The following STX10 variants were observed in gnomAD, a reference collection of about 807,000 sequenced individuals.
STX10 encodes the protein syntaxin 10, also known as syntaxin-10.
STX10 carries 35 observed loss-of-function variants against 34.1 expected under a neutral mutation model. The ratio of observed to expected loss-of-function variants is 1.03; its 90% CI spans 0.78 to 1.36. The LOEUF is 1.36. Among genes scored for constraint, STX10 ranks in the 40% most tolerant of loss-of-function variants. The probability of loss-of-function intolerance (pLI) is 0.00; values close to 1 mark genes in which losing one functional copy is unlikely to be tolerated. For missense variants in STX10, 361 were observed against 335.5 expected, an observed-to-expected ratio of 1.08 and a Z score of -0.59; for synonymous variants, 155 against 132.9, an observed-to-expected ratio of 1.17 and a Z score of -1.15.
chr19:13,149,648 G>A (rs780029248), intron 2 of STX10, 55 bp from the exon 3 acceptor site: 1 of 1,611,582 alleles, frequency 6.2e-7, no homozygotes, highest in Non-Finnish European at 8.5e-7. Flanking sequence ...CCGTCCCTAG[G>A]GGTCCAGCCC....
In STX10 at chr19:13,144,061, G is replaced by A. The variant is rs11775; in HGVS notation, c.*349C>T. On this transcript the variant is annotated 3_prime_UTR_variant, in exon 8 of 8. Transcript: ENST00000587230. Reference sequence around the variant, plus strand: ...AACACACACCACACGACACAAATACGTATAAAAAAGGCTGACATTTTATTT... The same window carrying A: ...AACACACACCACACGACACAAATACATATAAAAAAGGCTGACATTTTATTT... 202,323 of 323,384 alleles carry A rather than the reference G, an allele frequency of 0.63. 65,891 individuals carry two copies. Among genetic ancestry groups the A allele is most frequent in the East Asian group, 0.81 (14,310 of 17,668 alleles). The allele number at this position is 323,384 out of a possible 1,614,324, so 20.0% of individuals were successfully genotyped here. A position where few individuals can be genotyped will look rare whatever the true frequency, so the allele number is the denominator to read the frequency against.
rs191639143 is a variant in STX10, at chr19:13,150,220, C to G, written c.-47G>C. ...CCGAACCCCCCTCCCGGCCTGGGTTCGCGGGCTGGTTCCCTCCCAACCGAG... is the reference window on the plus strand; with the variant it reads ...CCGAACCCCCCTCCCGGCCTGGGTTGGCGGGCTGGTTCCCTCCCAACCGAG... On this transcript the variant is annotated 5_prime_UTR_variant, in exon 1 of 8. Coordinates refer to ENST00000587230, the MANE Select transcript of STX10 (RefSeq NM_003765.3). The surrounding 1 kb of genome is among the most constrained non-coding windows in gnomAD (Gnocchi z 4.0). The G allele has an allele frequency of 6.3e-4, 483 of 769,918 alleles. 6 individuals are homozygous for G. In the East Asian group the frequency reaches 0.012, roughly 19 times the overall value. The allele number at this position is 769,918 out of a possible 1,614,324, so 47.7% of individuals were successfully genotyped here. A position where few individuals can be genotyped will look rare whatever the true frequency, so the allele number is the denominator to read the frequency against.
chr19:13,148,739 A>G (rs2019969375), intron 4 of STX10, among the ~76,000 whole-genome samples: 3 of 152,072 alleles, frequency 2.0e-5, no homozygotes. Flanking sequence ...CACACAGGAC[A>G]AATGGCATGG....
chr19:13,146,756 G>T (rs944709998), intron 4 of STX10, among the ~76,000 whole-genome samples: 2 of 152,052 alleles, frequency 1.3e-5, no homozygotes, highest in Non-Finnish European at 2.9e-5. Flanking sequence ...GGCCAGGCTG[G>T]TCTCGAACGC....
At position 13,150,080 on chromosome 19, in the gene STX10, G is replaced by C; in HGVS notation, c.35+59C>G. The C allele has an allele frequency of 9.0e-7, 1 of 1,112,336 alleles. No individual in the cohort carries two copies. The highest frequency in any genetic ancestry group is 1.3e-6 in the Non-Finnish European group (1 of 744,198). The allele number at this position is 1,112,336 out of a possible 1,614,324, so 68.9% of individuals were successfully genotyped here. A position where few individuals can be genotyped will look rare whatever the true frequency, so the allele number is the denominator to read the frequency against. ...GCCGGGCACGCTGGGGCCGGCACCC[G>C]GGCACTGGCTGGCTTGGGTACAGAG... On this transcript the variant is annotated intron_variant, in intron 1 of 7. Coordinates refer to ENST00000587230, the MANE Select transcript of STX10 (RefSeq NM_003765.3). This position sits in a 1 kb window ranked among gnomAD's most constrained non-coding sequence, Gnocchi z 4.0.
chr19:13,144,662 A>G lies in STX10; in HGVS notation c.588T>C (p.Asp196=). The G allele has an allele frequency of 6.2e-7, 1 of 1,614,138 alleles. No individual in the cohort carries two copies. The highest frequency in any genetic ancestry group is 8.5e-7 in the Non-Finnish European group (1 of 1,180,030). The change falls in exon 7 of 8, where the codon GAT becomes GAC. Residue 196 remains aspartate (D), a synonymous_variant. Transcript: ENST00000587230. ...TGTGGTCCATCTCTTGGGCGAAGGC[A>G]TCCAGCATGCTGCCAAGAACAGGAT... ...EELDEQGIML[D]AFAQEMDHTQ...
chr19:13,149,612 G>C lies in STX10; in HGVS notation c.206-19C>G. ...ACTATACGTGGGCTGAGAGTCAAGG[G>C]TCAAGGCCGGAGCCAGATATCATCC... On this transcript the variant is annotated intron_variant, in intron 2 of 7. Transcript: ENST00000587230. 6.2e-7 allele frequency: 1 copy of C among 1,613,778 alleles called. No individual in the cohort carries two copies. Among genetic ancestry groups the C allele is most frequent in the Non-Finnish European group, 8.5e-7 (1 of 1,179,838 alleles).
chr19:13,146,574 T>C (rs1302562217), intron 4 of STX10, among the ~76,000 whole-genome samples: 4 of 151,694 alleles, frequency 2.6e-5, no homozygotes, highest in African/African-American at 9.7e-5. Flanking sequence ...AGAGTCTTGC[T>C]CTGTCACCTA....
chr19:13,149,758 A>C lies in STX10; in HGVS notation c.175T>G (p.Trp59Gly), dbSNP rs2020009329. The C allele has an allele frequency of 2.5e-6, 4 of 1,613,908 alleles. No individual in the cohort carries two copies. Among genetic ancestry groups the C allele is most frequent in the Non-Finnish European group, 3.4e-6 (4 of 1,179,898 alleles). Residue 59 changes from tryptophan (W) to glycine (G), a missense_variant, in exon 2 of 8, where the codon TGG becomes GGG. Transcript: ENST00000587230. Reference protein sequence around the residue: ...ELRNGLRSIEWDLEDLEETIG... With the variant: ...ELRNGLRSIEGDLEDLEETIG... ...GTCTCTTCCAGGTCCTCGAGGTCCC[A>C]CTCGATGCTGCGCAGGCCATTCCGC...
intron 4 of STX10, among the ~76,000 whole-genome samples, chr19:13,146,760 C>T (rs763401364): frequency 3.0e-4 from 45 of 152,048 alleles, no homozygotes; most frequent in Non-Finnish European, 5.0e-4. Flanking sequence ...AGGCTGGTCT[C>T]GAACGCCTGA....
intron 4 of STX10, among the ~76,000 whole-genome samples, chr19:13,147,699 C>T (rs915051750): frequency 6.6e-6 from 1 of 151,480 alleles, no homozygotes; most frequent in Admixed American, 6.6e-5. Flanking sequence ...GAGTTCAAGA[C>T]CAGCCTGGCC....
chr19:13,149,719 C>T lies in STX10; in HGVS notation c.205+9G>A. ...CCATGCCACCCTCTGCCACAAAGCC[C>T]CAGGATATCGATGGTCTCTTCCAGG... On this transcript the variant is annotated intron_variant, in intron 2 of 7. Transcript: ENST00000587230. 1 of 1,612,766 alleles carries T rather than the reference C, an allele frequency of 6.2e-7. No individual in the cohort carries two copies. Among genetic ancestry groups the T allele is most frequent in the South Asian group, 1.1e-5 (1 of 91,064 alleles).
intron 4 of STX10, among the ~76,000 whole-genome samples, chr19:13,145,975 G>A (rs925051020): frequency 1.2e-4 from 17 of 145,944 alleles, no homozygotes; most frequent in African/African-American, 3.8e-4. Flanking sequence ...GCAGTGAGCC[G>A]AGATCACACC....
chr19:13,150,149 C>CA lies in STX10; in HGVS notation c.24dup (p.Val9CysfsTer41). 1.3e-5 allele frequency: 16 copies of CA among 1,194,784 alleles called. No homozygotes were observed. Among genetic ancestry groups the CA allele is most frequent in the East Asian group, 2.5e-5 (1 of 40,514 alleles). The allele number at this position is 1,194,784 out of a possible 1,614,324, so 74.0% of individuals were successfully genotyped here. On this transcript the variant is annotated frameshift_variant, in exon 1 of 8. Coordinates refer to ENST00000587230, the MANE Select transcript of STX10 (RefSeq NM_003765.3). LOFTEE classifies it high-confidence loss of function. The surrounding 1 kb of genome is among the most constrained non-coding windows in gnomAD (Gnocchi z 4.0). ...GTCGTTGTCACTCACCCTCGGACTA[C>CA]AAAAAAGGGGTCTTCGAGAGACATG...
In STX10 at chr19:13,144,329, C is replaced by T; in HGVS notation, c.*81G>A. 3 of 1,545,162 alleles carry T rather than the reference C, an allele frequency of 1.9e-6. No homozygotes were observed. The highest frequency in any genetic ancestry group is 1.8e-6 in the Non-Finnish European group (2 of 1,142,336). ...TCCAGCTACCCAGGAGGGACCCTCT[C>T]CTCCTAGGGGGCGAGGCCAGCTCCA... On this transcript the variant is annotated 3_prime_UTR_variant, in exon 8 of 8. Coordinates refer to ENST00000587230, the MANE Select transcript of STX10 (RefSeq NM_003765.3).
At chr19:13,145,213 CA>C in intron 5 of STX10, 74 bp downstream of exon 5, 1 of 1,405,794 alleles carries the variant, frequency 7.1e-7, no homozygotes. Context: ...ACAACAACAA[CA>C]AAAAGGGACC....
chr19:13,149,451 A>C (rs375228888), intron 3 of STX10, 48 bp downstream of exon 3: 264 of 1,463,004 alleles, frequency 1.8e-4, no homozygotes, highest in Non-Finnish European at 2.2e-4. Flanking sequence ...AGAAAAAAAA[A>C]CACACTCAAA....
chr19:13,145,232 T>C (rs2019870147), intron 5 of STX10, 56 bp downstream of exon 5: 2 of 1,510,592 alleles, frequency 1.3e-6, no homozygotes, highest in African/African-American at 1.4e-5. Context: ...ACCCCAGACC[T>C]CAGATCAGTC....
At chr19:13,147,113 C>T (rs1243642567) in intron 4 of STX10, among the ~76,000 whole-genome samples, 1 of 149,690 alleles carries the variant, frequency 6.7e-6, no homozygotes, top group African/African-American at 2.5e-5. Context: ...CACACACACA[C>T]GGCAGGCACA....
Sources: gnomAD v4.1 joint callset for allele counts (sites outside exome capture counted in the v4.1 genomes callset) on GRCh38, gnomAD v4.1.1 for gene constraint, Gnocchi (gnomAD v3.1) non-coding constraint, MANE v1.5 for transcripts, NCBI Gene and HGNC (gene_info 2026-07-23, HGNC 2026-07-21) for gene names.